Variants in CSMD1 observed in about 807,000 individuals in gnomAD.
The protein encoded by CSMD1 is CUB and Sushi multiple domains 1.
CSMD1 carries 213 observed loss-of-function variants against 417.5 expected under a neutral mutation model. The ratio of observed to expected loss-of-function variants is 0.51; its 90% CI spans 0.46 to 0.57. CSMD1 has a LOEUF of 0.57. Among genes scored for constraint, CSMD1 ranks in the 20% least tolerant of loss-of-function variants. The pLI, the probability that CSMD1 is intolerant of heterozygous loss-of-function variation, is 0.00. For missense variants in CSMD1, 6,923 were observed against 4,529.7 expected (o/e 1.53, Z -15.17); for synonymous variants, 2,862 against 1,736.8 (o/e 1.65, Z -16.11).
At chr8:2,996,117 A>C (rs1484412714) in intron 54 of CSMD1, among the ~76,000 whole-genome samples, 3 of 152,184 alleles carry the variant, frequency 2.0e-5, no homozygotes, top group Non-Finnish European at 4.4e-5. Flanking sequence ...TTATCTCAAA[A>C]TGAAACATTT....
At chr8:4,098,737 A>T (rs1429510395) in intron 3 of CSMD1, among the ~76,000 whole-genome samples, 1 of 152,222 alleles carries the variant, frequency 6.6e-6, no homozygotes, top group African/African-American at 2.4e-5. Context: ...AGCAATATTT[A>T]TCCCTTCTGC....
chr8:4,170,975 G>A (rs1568332), intron 3 of CSMD1, among the ~76,000 whole-genome samples: 26,436 of 151,730 alleles, frequency 0.17, 2,639 homozygotes, highest in East Asian at 0.29. Context: ...TGCAGTTGAC[G>A]AACTGAGACT....
rs186955061 is a variant in CSMD1 at position 4,070,675 on chromosome 8, T to C, written c.416-38576A>G. Among the ~76,000 whole-genome samples, 6 of 152,178 alleles carry C rather than the reference T, an allele frequency of 3.9e-5. No homozygotes were observed. The East Asian group carries it at 5.8e-4, about 15-fold the overall frequency. ...CCCGGCCACCACCTATAACACTCTCTATTCGTCACTGAAGATCCAAGTTTT... is the reference window on the plus strand; with the variant it reads ...CCCGGCCACCACCTATAACACTCTCCATTCGTCACTGAAGATCCAAGTTTT... On this transcript the variant is annotated intron_variant, in intron 3 of 69. Coordinates refer to ENST00000635120, the MANE Select transcript of CSMD1 (RefSeq NM_033225.6).
At chr8:3,435,155 G>A (rs1239194159) in intron 12 of CSMD1, among the ~76,000 whole-genome samples, 1 of 152,134 alleles carries the variant, frequency 6.6e-6, no homozygotes, top group African/African-American at 2.4e-5. Context: ...CTCCCCTTTG[G>A]TGAATCCCAA....
At position 4,265,940 on chromosome 8, in the gene CSMD1, G is replaced by A. The variant is rs1426787335; in HGVS notation, c.415+154013C>T. 5.8e-5 allele frequency among the ~76,000 whole-genome samples: 6 copies of A among 103,412 alleles called. 2 individuals carry two copies. The highest frequency in any genetic ancestry group is 1.8e-4 in the Admixed American group (2 of 10,818). 67.8% of individuals were successfully genotyped at this position (103,412 alleles called of 152,430 possible). On this transcript the variant is annotated intron_variant, in intron 3 of 69. Coordinates refer to ENST00000635120, the MANE Select transcript of CSMD1 (RefSeq NM_033225.6). ...AAATAGATTTCCCCCCATTGCCCAG[G>A]AGACGGGGAACCATGGCCCCCACTG...
chr8:4,616,010 T>C (rs1029676643), intron 2 of CSMD1, among the ~76,000 whole-genome samples: 19 of 152,168 alleles, frequency 1.2e-4, no homozygotes, highest in African/African-American at 4.3e-4. Flanking sequence ...GGTTAGATAA[T>C]TCTCAAAGCA....
chr8:3,515,009 C>G lies in CSMD1; in HGVS notation c.1345-21283G>C, dbSNP rs186155255. Reference sequence around the variant, plus strand: ...ACAACATTTTATACTGAAATTAAAGCCTAACATTTAATCAAATTTATAATC... The same window carrying G: ...ACAACATTTTATACTGAAATTAAAGGCTAACATTTAATCAAATTTATAATC... On this transcript the variant is annotated intron_variant, in intron 10 of 69. Coordinates refer to ENST00000635120, the MANE Select transcript of CSMD1 (RefSeq NM_033225.6). Among the ~76,000 whole-genome samples, 253 of 152,196 alleles carry G rather than the reference C, an allele frequency of 1.7e-3. 2 individuals carry two copies. Among genetic ancestry groups the G allele is most frequent in the African/African-American group, 5.7e-3 (236 of 41,526 alleles).
chr8:4,220,372 G>A (rs1229804101), intron 3 of CSMD1, among the ~76,000 whole-genome samples: 1 of 152,182 alleles, frequency 6.6e-6, no homozygotes, highest in Non-Finnish European at 1.5e-5. Context: ...ACACCATGAG[G>A]AGGACCCACA....
chr8:4,147,659 C>G (rs561327809), intron 3 of CSMD1, among the ~76,000 whole-genome samples: 1 of 152,128 alleles, frequency 6.6e-6, no homozygotes, highest in East Asian at 1.9e-4. Context: ...TGAGTGCTGG[C>G]TCATGGGAAC....
At chr8:4,603,313 A>G (rs1188279373) in intron 2 of CSMD1, among the ~76,000 whole-genome samples, 2 of 151,858 alleles carry the variant, frequency 1.3e-5, no homozygotes, top group African/African-American at 4.8e-5. Context: ...TTTGTATTCA[A>G]CTCTATTTTA....
chr8:4,367,275 G>A (rs1237929640), intron 3 of CSMD1, among the ~76,000 whole-genome samples: 1 of 152,012 alleles, frequency 6.6e-6, no homozygotes, highest in Non-Finnish European at 1.5e-5. Flanking sequence ...CAGACTGCAT[G>A]AGTCTAGACA....
rs113287629 is a variant in CSMD1, at chr8:3,595,455, A to C, written c.1098-9195T>G. 2.3e-3 allele frequency among the ~76,000 whole-genome samples: 348 copies of C among 152,306 alleles called. 1 individual carries two copies. Among genetic ancestry groups the C allele is most frequent in the African/African-American group, 8.0e-3 (333 of 41,572 alleles). On this transcript the variant is annotated intron_variant, in intron 8 of 69. Coordinates refer to ENST00000635120, the MANE Select transcript of CSMD1 (RefSeq NM_033225.6). ...TTTCTTCAAGCCTTAAGGCAGTTTAACACCACTAAAAATGCATCAGAGAGT... is the reference window on the plus strand; with the variant it reads ...TTTCTTCAAGCCTTAAGGCAGTTTACCACCACTAAAAATGCATCAGAGAGT...
chr8:4,192,189 T>G (rs1799070777), intron 3 of CSMD1, among the ~76,000 whole-genome samples: 3 of 152,138 alleles, frequency 2.0e-5, no homozygotes, highest in African/African-American at 7.2e-5. Context: ...ACAGATGGCT[T>G]TAAAAATCAA....
chr8:3,762,706 C>T (rs1020595869), intron 5 of CSMD1, among the ~76,000 whole-genome samples: 2 of 152,176 alleles, frequency 1.3e-5, no homozygotes, highest in African/African-American at 2.4e-5. Context: ...CAAAGCTGTC[C>T]GTCTGCAAAG....
intron 3 of CSMD1, among the ~76,000 whole-genome samples, chr8:4,121,599 C>A (rs1176738522): frequency 6.9e-6 from 1 of 143,906 alleles, no homozygotes; most frequent in Admixed American, 7.0e-5. Flanking sequence ...AGAAGTAAAT[C>A]ATGTGCATAA....
intron 1 of CSMD1, among the ~76,000 whole-genome samples, chr8:4,928,574 C>A (rs376279621): frequency 3.9e-5 from 6 of 152,246 alleles, no homozygotes; most frequent in African/African-American, 1.4e-4. Flanking sequence ...TGCAGATGTG[C>A]ACGATCATTT....
chr8:3,741,997 C>T (rs1453914652), intron 6 of CSMD1, among the ~76,000 whole-genome samples: 2 of 136,284 alleles, frequency 1.5e-5, no homozygotes, highest in Non-Finnish European at 3.1e-5. Context: ...TTTTTTTAAC[C>T]CTGCAAATTG....
chr8:3,890,535 ACT>A (rs1806897056), intron 5 of CSMD1, among the ~76,000 whole-genome samples: 1 of 151,966 alleles, frequency 6.6e-6, no homozygotes, highest in South Asian at 2.1e-4. Flanking sequence ...GAACAAAATA[ACT>A]CTATCTCTCA....
chr8:3,706,304 A>T (rs911916035), intron 7 of CSMD1, among the ~76,000 whole-genome samples: 2 of 152,224 alleles, frequency 1.3e-5, no homozygotes, highest in African/African-American at 4.8e-5. Flanking sequence ...AATAAGGCAT[A>T]TACTTGCACA....
Sources: gnomAD v4.1 joint callset for allele counts (sites outside exome capture counted in the v4.1 genomes callset) on GRCh38, gnomAD v4.1.1 for gene constraint, MANE v1.5 for transcripts, NCBI Gene and HGNC (gene_info 2026-07-23, HGNC 2026-07-21) for gene names.